SLC25A48: variants seen among roughly 807,000 people sequenced by gnomAD.
The protein encoded by SLC25A48 is solute carrier family 25 member 48.
Under a neutral mutation model 32.2 loss-of-function variants are expected in SLC25A48, and 29 were observed. The ratio of observed to expected loss-of-function variants is 0.90; its 90% CI spans 0.67 to 1.23. SLC25A48 has a LOEUF of 1.23. Ranked by LOEUF, SLC25A48 falls within the 50% of genes most tolerant of loss-of-function variation. The pLI, the probability that SLC25A48 is intolerant of heterozygous loss-of-function variation, is 0.00. For missense variants in SLC25A48, 399 were observed against 422.7 expected (o/e 0.94, Z 0.49); for synonymous variants, 164 against 172.3 (o/e 0.95, Z 0.38).
intron 3 of SLC25A48, among the ~76,000 whole-genome samples, chr5:135,687,931 A>G (rs912979711): frequency 8.3e-6 from 1 of 120,216 alleles, no homozygotes; most frequent in African/African-American, 3.1e-5. Flanking sequence ...AACCATATTA[A>G]CCATTTTAAG....
intron 7 of SLC25A48, 68 bp downstream of exon 7, chr5:135,880,165 T>C: frequency 6.7e-7 from 1 of 1,488,492 alleles, no homozygotes. Flanking sequence ...TTTTTTATCA[T>C]GAGAATGTTG....
intron 2 of SLC25A48, among the ~76,000 whole-genome samples, chr5:135,632,196 T>C (rs1752591641): frequency 6.6e-6 from 1 of 152,194 alleles, no homozygotes; most frequent in South Asian, 2.1e-4. Context: ...TGTACTACAG[T>C]GCGTAGGCTT....
At chr5:135,618,954 TA>T (rs1370037187) in intron 1 of SLC25A48, among the ~76,000 whole-genome samples, 5 of 152,078 alleles carry the variant, frequency 3.3e-5, no homozygotes, top group Middle Eastern at 3.4e-3. Context: ...ACAGTTTCAC[TA>T]AAATATGCCA....
chr5:135,846,511 C>A (rs1343878845), intron 2 of SLC25A48, among the ~76,000 whole-genome samples: 1 of 152,216 alleles, frequency 6.6e-6, no homozygotes, highest in African/African-American at 2.4e-5. Flanking sequence ...CAGGCAGTGG[C>A]TCAGCTCTGA....
Position 135,852,555 on chromosome 5 carries a change from C to A in SLC25A48, c.163-8C>A. 6.3e-7 allele frequency: 1 copy of A among 1,587,422 alleles called. No homozygotes were observed. The highest frequency in any genetic ancestry group is 2.3e-5 in the East Asian group (1 of 44,260). ...CCTCACGCCTCTTCCTTCTGGTTTT[C>A]ACTGCAGATGTTCGGCTTCTTCAAG... On this transcript the variant is annotated splice_polypyrimidine_tract_variant and splice_region_variant and intron_variant, in intron 3 of 7. Coordinates refer to ENST00000681962, the MANE Select transcript of SLC25A48 (RefSeq NM_001349336.2).
chr5:135,755,220 G>A (rs968758761), intron 3 of SLC25A48, among the ~76,000 whole-genome samples: 1 of 152,040 alleles, frequency 6.6e-6, no homozygotes, highest in Non-Finnish European at 1.5e-5. Context: ...TACACACTGT[G>A]ATATTAATGA....
chr5:135,624,058 G>C (rs1752387418), intron 1 of SLC25A48, among the ~76,000 whole-genome samples: 1 of 152,164 alleles, frequency 6.6e-6, no homozygotes, highest in South Asian at 2.1e-4. Context: ...GGAGCGGGGG[G>C]TTGGTGTGGT....
At chr5:135,599,716 T>TTTCC (rs915845028) in intron 1 of SLC25A48, among the ~76,000 whole-genome samples, 49 of 152,284 alleles carry the variant, frequency 3.2e-4, no homozygotes, top group African/African-American at 8.2e-4. Flanking sequence ...CCCTTCCTTA[T>TTTCC]TTCCTTCCTT....
intron 3 of SLC25A48, among the ~76,000 whole-genome samples, chr5:135,711,010 C>G: frequency 6.6e-6 from 1 of 152,132 alleles, no homozygotes; most frequent in Non-Finnish European, 1.5e-5. Flanking sequence ...TTACATGGCA[C>G]TTAGAAGCCT....
intron 1 of SLC25A48, among the ~76,000 whole-genome samples, chr5:135,625,975 C>T (rs865966641): frequency 6.6e-6 from 1 of 152,212 alleles, no homozygotes; most frequent in South Asian, 2.1e-4. Flanking sequence ...TAAGTGGCCA[C>T]CACTGCCCCA....
chr5:135,705,524 A>G (rs899385310), intron 3 of SLC25A48, among the ~76,000 whole-genome samples: 1 of 152,258 alleles, frequency 6.6e-6, no homozygotes, highest in Admixed American at 6.5e-5. Context: ...GATGATGACA[A>G]AGCATGAGGT....
chr5:135,835,416 A>G (rs966410744), intron 1 of SLC25A48, among the ~76,000 whole-genome samples: 9 of 152,080 alleles, frequency 5.9e-5, no homozygotes, highest in African/African-American at 2.2e-4. Context: ...GCCCATTGCC[A>G]GGCTGCGAGG....
intron 3 of SLC25A48, among the ~76,000 whole-genome samples, chr5:135,775,172 A>C (rs1341496227): frequency 1.3e-5 from 2 of 151,682 alleles, no homozygotes; most frequent in African/African-American, 4.8e-5. Context: ...GGATGATATT[A>C]CTCCCAATAT....
At chr5:135,641,791 C>T (rs1752843265) in intron 3 of SLC25A48, among the ~76,000 whole-genome samples, 1 of 152,194 alleles carries the variant, frequency 6.6e-6, no homozygotes, top group African/African-American at 2.4e-5. Context: ...CTCTGGGGCT[C>T]TGTGGAAACA....
rs1242063264 is a variant in SLC25A48 at position 135,671,214 on chromosome 5, C to T, written c.-521+36258C>T. Among the ~76,000 whole-genome samples, 5 of 152,302 alleles carry T rather than the reference C, an allele frequency of 3.3e-5. No individual in the cohort carries two copies. In the East Asian group the frequency reaches 9.7e-4, roughly 29 times the overall value. On this transcript the variant is annotated intron_variant, in intron 3 of 10. Transcript: ENST00000646290. ...AAGGAATGCCTTTTAATCTTGGGCT[C>T]AAGCTTGCAATTCACAGGTGTGCCC...
At chr5:135,688,001 C>T (rs1308588449) in intron 3 of SLC25A48, among the ~76,000 whole-genome samples, 1 of 14,042 alleles carries the variant, frequency 7.1e-5, no homozygotes, top group Non-Finnish European at 2.1e-4. Flanking sequence ...CCATCTCCCC[C>T]ATCCATCTTC....
Position 135,804,237 on chromosome 5 carries a change from A to T in SLC25A48, c.-520-8286A>T, listed in dbSNP as rs376593858. ...GAATAATGTCACGAGGTGTCCACAAACGTTGATCACCCCCGTGACATTAAG... is the reference window on the plus strand; with the variant it reads ...GAATAATGTCACGAGGTGTCCACAATCGTTGATCACCCCCGTGACATTAAG... On this transcript the variant is annotated intron_variant, in intron 3 of 10. Coordinates refer to the SLC25A48 transcript ENST00000646290. Among the ~76,000 whole-genome samples, 5 of 151,788 alleles carry T rather than the reference A, an allele frequency of 3.3e-5. No homozygotes were observed. In the East Asian group the frequency reaches 7.8e-4, roughly 24 times the overall value.
chr5:135,755,767 G>A (rs1755885409), intron 3 of SLC25A48, among the ~76,000 whole-genome samples: 2 of 150,948 alleles, frequency 1.3e-5, no homozygotes, highest in Non-Finnish European at 1.5e-5. Context: ...ATGGTCATAC[G>A]TAGTGTCAAT....
At chr5:135,783,448 C>T (rs1229826900) in intron 3 of SLC25A48, among the ~76,000 whole-genome samples, 1 of 114,824 alleles carries the variant, frequency 8.7e-6, no homozygotes, top group Admixed American at 8.8e-5. Context: ...GGGAAAAGAG[C>T]ATGATATTAT....
Sources: gnomAD v4.1 joint callset for allele counts (sites outside exome capture counted in the v4.1 genomes callset) on GRCh38, gnomAD v4.1.1 for gene constraint, MANE v1.5 for transcripts, NCBI Gene and HGNC (gene_info 2026-07-23, HGNC 2026-07-21) for gene names.